Variants in VAC14 observed in about 807,000 individuals in gnomAD.
VAC14 encodes the protein VAC14 component of PIKFYVE complex, also known as protein VAC14 homolog.
A neutral mutation model predicts 85.3 loss-of-function variants in VAC14; 47 were observed. The observed-to-expected ratio is 0.55, with a 90% CI of 0.44 to 0.70. The LOEUF (loss-of-function observed/expected upper bound fraction) is 0.70, where lower values mean the gene tolerates loss of function less well. Ranked by LOEUF, VAC14 falls within the 30% of genes least tolerant of loss-of-function variation. The probability of loss-of-function intolerance (pLI) is 0.00; values close to 1 mark genes in which losing one functional copy is unlikely to be tolerated. For missense variants in VAC14, 861 were observed against 1,004.3 expected, an observed-to-expected ratio of 0.86 and a Z score of 1.93; for synonymous variants, 447 against 430.5, an observed-to-expected ratio of 1.04 and a Z score of -0.47.
rs758316673 is a variant in VAC14 at position 70,783,058 on chromosome 16, G to A, written c.786C>T (p.Ile262=). 5 of 1,614,174 alleles carry A rather than the reference G, an allele frequency of 3.1e-6. No individual in the cohort carries two copies. The South Asian group carries it at 5.5e-5, about 18-fold the overall frequency. ...CTGTTGTCTGGCAGTGGATCACCAGGATGTTGGCCATCTCAGCAAACTTCA... is the reference window on the plus strand; with the variant it reads ...CTGTTGTCTGGCAGTGGATCACCAGAATGTTGGCCATCTCAGCAAACTTCA... ...SSVKFAEMAN[I]LVIHCQTTDD... Residue 262 remains isoleucine, a synonymous_variant, in exon 7 of 19, where the codon ATC becomes ATT. Coordinates refer to ENST00000261776, the MANE Select transcript of VAC14 (RefSeq NM_018052.5).
Position 70,698,750 on chromosome 16 carries a change from G to T in VAC14, c.1723C>A (p.Arg575=), listed in dbSNP as rs145938865. The change falls in exon 15 of 19, where the codon CGG becomes AGG. Residue 575 remains arginine (R), a synonymous_variant. Coordinates refer to ENST00000261776, the MANE Select transcript of VAC14 (RefSeq NM_018052.5). ...GAGGCGAACTTGAGGTCCTCCTCCC[G>T]CAGCAGGATGTCTGCCATTGAGTGG... ...IFHSMADILL[R]EEDLKFASTM... is the part of the protein sequence containing the mutation. 3.7e-6 allele frequency: 6 copies of T among 1,614,186 alleles called. No individual in the cohort carries two copies. The East Asian group carries it at 1.3e-4, about 36-fold the overall frequency.
intron 14 of VAC14, among the ~76,000 whole-genome samples, chr16:70,718,584 A>AC (rs2054217710): frequency 6.6e-6 from 1 of 151,194 alleles, no homozygotes; most frequent in Non-Finnish European, 1.5e-5. Flanking sequence ...AAAAAAAAAA[A>AC]AAACAAAAAA....
chr16:70,709,802 G>T (rs1461374886), intron 14 of VAC14, among the ~76,000 whole-genome samples: 1 of 152,216 alleles, frequency 6.6e-6, no homozygotes, highest in African/African-American at 2.4e-5. Flanking sequence ...TGCCCAGGGA[G>T]ACATGGCCAA....
intron 1 of VAC14, among the ~76,000 whole-genome samples, chr16:70,792,206 G>A (rs1434802318): frequency 6.6e-6 from 1 of 152,096 alleles, no homozygotes; most frequent in Non-Finnish European, 1.5e-5. Context: ...GAAACTACAA[G>A]GGGAAGCAGA....
intron 5 of VAC14, among the ~76,000 whole-genome samples, 187 bp from the exon 6 acceptor site, chr16:70,783,741 G>A (rs545469046): frequency 3.3e-5 from 5 of 152,350 alleles, no homozygotes; most frequent in African/African-American, 9.6e-5. Context: ...ATGTGCAGGG[G>A]AATGGCAATT....
intron 8 of VAC14, 38 bp downstream of exon 8, chr16:70,781,831 G>A (rs377394439): frequency 6.2e-7 from 1 of 1,608,816 alleles, no homozygotes; most frequent in Non-Finnish European, 8.5e-7. Flanking sequence ...ATCCCTTTGG[G>A]GCTTCTCTCA....
chr16:70,784,287 C>G, intron 4 of VAC14, 67 bp from the exon 5 acceptor site: 1 of 1,377,960 alleles, frequency 7.3e-7, no homozygotes, highest in East Asian at 2.3e-5. Context: ...CGCTGAATCA[C>G]TTGCCCAGGG....
intron 8 of VAC14, among the ~76,000 whole-genome samples, chr16:70,781,286 C>G (rs909460272): frequency 6.6e-6 from 1 of 152,198 alleles, no homozygotes; most frequent in African/African-American, 2.4e-5. Context: ...CACCATGCCT[C>G]CTGTAGAGTC....
chr16:70,761,012 TGTGTGTGCATGGGG>T lies in VAC14; in HGVS notation c.1371+1514_1371+1527del, dbSNP rs1374435915. On this transcript the variant is annotated intron_variant, in intron 12 of 18. Coordinates refer to ENST00000261776, the MANE Select transcript of VAC14 (RefSeq NM_018052.5). ...GTGTGTGTGTGTGTGTGTGTGTGTG[TGTGTGTGCATGGGG>T]GGGCGGGGGGTAGGCAGGAGAGGCC... 1.1e-4 allele frequency: 35 copies of T among 313,224 alleles called. No individual in the cohort carries two copies. The African/African-American group carries it at 1.2e-3, about 11-fold the overall frequency. 19.4% of individuals were successfully genotyped at this position (313,224 alleles called of 1,614,324 possible). A position where few individuals can be genotyped will look rare whatever the true frequency, so the allele number is the denominator to read the frequency against.
chr16:70,754,749 C>T (rs1294768573), intron 12 of VAC14, among the ~76,000 whole-genome samples: 2 of 152,082 alleles, frequency 1.3e-5, no homozygotes, highest in Non-Finnish European at 1.5e-5. Flanking sequence ...GGGCTGAGGC[C>T]GTATCTTACT....
intron 1 of VAC14, among the ~76,000 whole-genome samples, chr16:70,797,599 T>C (rs942680142): frequency 9.9e-5 from 15 of 152,228 alleles, no homozygotes; most frequent in Non-Finnish European, 1.8e-4. Flanking sequence ...ATGTGCCCAC[T>C]ACTACACTAA....
At chr16:70,742,143 A>G (rs2030383887) in intron 13 of VAC14, among the ~76,000 whole-genome samples, 1 of 152,190 alleles carries the variant, frequency 6.6e-6, no homozygotes, top group Non-Finnish European at 1.5e-5. Flanking sequence ...CCCTGTCACA[A>G]GGCTGTGCTG....
intron 14 of VAC14, among the ~76,000 whole-genome samples, chr16:70,700,752 G>A (rs530862505): frequency 1.5e-4 from 23 of 152,318 alleles, no homozygotes; most frequent in Admixed American, 9.1e-4. Context: ...CATGGCTGTG[G>A]GACAGAAATG....
At chr16:70,731,673 C>T in intron 13 of VAC14, 46 bp from the exon 14 acceptor site, 2 of 1,597,310 alleles carry the variant, frequency 1.3e-6, no homozygotes, top group Non-Finnish European at 1.7e-6. Context: ...ATTATGTGTC[C>T]ACAGGGTGAT....
intron 14 of VAC14, among the ~76,000 whole-genome samples, chr16:70,725,305 A>C (rs2054395750): frequency 2.0e-5 from 3 of 152,372 alleles, no homozygotes; most frequent in Admixed American, 6.5e-5. Flanking sequence ...GAGGGGCGCC[A>C]GTGGTGCAGA....
chr16:70,782,955 G>A lies in VAC14; in HGVS notation c.811+78C>T, dbSNP rs113793324. On this transcript the variant is annotated intron_variant, in intron 7 of 18. Transcript: ENST00000261776. ...CCTGCCCCCTCACTGAAGCTGAGAT[G>A]GTGAAAGGGGCTTCTGCAGAGGTGG... 2.9e-5 allele frequency: 38 copies of A among 1,313,072 alleles called. 1 individual carries two copies. The African/African-American group carries it at 3.2e-4, about 11-fold the overall frequency. 81.3% of individuals were successfully genotyped at this position (1,313,072 alleles called of 1,614,324 possible).
intron 12 of VAC14, among the ~76,000 whole-genome samples, chr16:70,757,332 G>A (rs1369426584): frequency 6.6e-6 from 1 of 152,186 alleles, no homozygotes; most frequent in African/African-American, 2.4e-5. Flanking sequence ...GACTCAGGGC[G>A]GCCAGCTGGA....
At chr16:70,739,777 T>C (rs1479034342) in intron 13 of VAC14, among the ~76,000 whole-genome samples, 2 of 152,238 alleles carry the variant, frequency 1.3e-5, no homozygotes, top group Non-Finnish European at 2.9e-5. Flanking sequence ...TTTCTGGCTT[T>C]CTGCTAGAAC....
intron 14 of VAC14, among the ~76,000 whole-genome samples, chr16:70,706,439 G>A (rs2142994128): frequency 1.3e-5 from 2 of 152,332 alleles, no homozygotes; most frequent in Middle Eastern, 6.8e-3. Context: ...TTCTCCCTAT[G>A]GCCAGGCCTC....
Sources: allele counts gnomAD v4.1 joint callset (sites outside exome capture counted in the v4.1 genomes callset), GRCh38; gene constraint gnomAD v4.1.1; transcripts MANE v1.5; gene names NCBI Gene and HGNC (gene_info 2026-07-23, HGNC 2026-07-21).